Variants in USP25 observed in about 807,000 individuals in gnomAD.
USP25 encodes ubiquitin specific peptidase 25.
A neutral mutation model predicts 158.5 loss-of-function variants in USP25; 85 were observed. The observed-to-expected ratio is 0.54, with a 90% CI of 0.45 to 0.64. The LOEUF (loss-of-function observed/expected upper bound fraction) is 0.64. Ranked by LOEUF, USP25 falls within the 30% of genes least tolerant of loss-of-function variation. The pLI, the probability that USP25 is intolerant of heterozygous loss-of-function variation, is 0.00. For missense variants in USP25, 1,242 were observed against 1,327.3 expected, an observed-to-expected ratio of 0.94 and a Z score of 1.00; for synonymous variants, 464 against 460.4, an observed-to-expected ratio of 1.01 and a Z score of -0.10.
chr21:15,868,034 C>G (rs2039731585), intron 22 of USP25, among the ~76,000 whole-genome samples: 1 of 152,150 alleles, frequency 6.6e-6, no homozygotes, highest in South Asian at 2.1e-4. Flanking sequence ...TGCAAAGATC[C>G]CAGTCCACCT....
At chr21:15,803,202 C>G (rs981107770) in intron 6 of USP25, among the ~76,000 whole-genome samples, 2 of 151,596 alleles carry the variant, frequency 1.3e-5, no homozygotes, top group East Asian at 3.9e-4. Context: ...ATAACAATTC[C>G]CTATAAATTT....
intron 4 of USP25, among the ~76,000 whole-genome samples, chr21:15,788,935 G>A (rs577298344): frequency 4.9e-4 from 75 of 152,164 alleles, no homozygotes; most frequent in African/African-American, 1.7e-3. Flanking sequence ...TACACTTTGT[G>A]CCTCATTTGA....
intron 1 of USP25, among the ~76,000 whole-genome samples, chr21:15,752,830 A>G (rs554908227): frequency 2.0e-5 from 3 of 152,354 alleles, no homozygotes; most frequent in Admixed American, 1.3e-4. Flanking sequence ...ATAGAGGTAT[A>G]TGAGTAATTT....
At chr21:15,827,765 C>CCT (rs1555849273) in intron 14 of USP25, among the ~76,000 whole-genome samples, 6 of 136,810 alleles carry the variant, frequency 4.4e-5, no homozygotes, top group Admixed American at 1.5e-4. Flanking sequence ...TGTGCGTGTG[C>CCT]GTGTGTGTGT....
intron 17 of USP25, among the ~76,000 whole-genome samples, chr21:15,837,930 T>C (rs941424734): frequency 1.3e-5 from 2 of 151,958 alleles, no homozygotes; most frequent in Middle Eastern, 3.4e-3. Context: ...AAGCAGGAAC[T>C]AGGTGATATT....
chr21:15,873,612 G>A (rs1013907926), intron 23 of USP25, among the ~76,000 whole-genome samples: 2 of 151,682 alleles, frequency 1.3e-5, no homozygotes, highest in African/African-American at 4.8e-5. Context: ...TGCTACCTCA[G>A]CCTGCCGAGT....
intron 17 of USP25, among the ~76,000 whole-genome samples, chr21:15,840,710 A>T (rs1244749022): frequency 1.3e-5 from 2 of 152,202 alleles, no homozygotes; most frequent in Non-Finnish European, 2.9e-5. Context: ...ACATGTGTTG[A>T]TCAGATAACA....
chr21:15,744,844 T>A (rs2032393930), intron 1 of USP25: 1 of 152,380 alleles, frequency 6.6e-6, no homozygotes, highest in African/African-American at 2.4e-5. Context: ...TGCCTCAGCC[T>A]CCCAAAGTGC....
At chr21:15,742,322 G>A (rs2032140601) in intron 1 of USP25, among the ~76,000 whole-genome samples, 2 of 152,156 alleles carry the variant, frequency 1.3e-5, no homozygotes, top group Admixed American at 1.3e-4. Flanking sequence ...ATGTGCTGGG[G>A]AGGGGTGTGC....
At position 15,730,337 on chromosome 21, in the gene USP25, C is replaced by A; in HGVS notation, c.-57C>A. The A allele has an allele frequency of 9.1e-7, 1 of 1,099,376 alleles. No individual in the cohort carries two copies. The highest frequency in any genetic ancestry group is 1.1e-6 in the Non-Finnish European group (1 of 904,696). The allele number at this position is 1,099,376 out of a possible 1,614,324, so 68.1% of individuals were successfully genotyped here. ...GGCGGAGCGCGGCAGCCAGGGCCGG[C>A]GGAGGCGCGAGGAGCCGGGCGCCAC... On this transcript the variant is annotated 5_prime_UTR_variant, in exon 1 of 26. Transcript: ENST00000400183.
chr21:15,744,976 TC>T (rs2032409949), intron 1 of USP25: 1 of 152,148 alleles, frequency 6.6e-6, no homozygotes, highest in Non-Finnish European at 1.5e-5. Flanking sequence ...CGGTTTGCTG[TC>T]TAAAGCAAGA....
intron 17 of USP25, among the ~76,000 whole-genome samples, chr21:15,834,436 CTT>C (rs778353072): frequency 9.3e-4 from 137 of 147,166 alleles, no homozygotes; most frequent in Non-Finnish European, 1.5e-3. Flanking sequence ...TATTGAATAA[CTT>C]TTTTTTTTTG....
At chr21:15,773,297 G>A (rs576355829) in intron 3 of USP25, 9 of 152,418 alleles carry the variant, frequency 5.9e-5, no homozygotes, top group African/African-American at 1.9e-4. Context: ...CAAGATATGC[G>A]AGGATGCAAG....
chr21:15,784,264 T>C (rs1482782273), intron 4 of USP25, among the ~76,000 whole-genome samples: 2 of 152,130 alleles, frequency 1.3e-5, no homozygotes, highest in Non-Finnish European at 2.9e-5. Flanking sequence ...AATTAGTGGC[T>C]AAGGAACACA....
chr21:15,783,194 C>T (rs1329755974), intron 4 of USP25, among the ~76,000 whole-genome samples: 1 of 149,804 alleles, frequency 6.7e-6, no homozygotes, highest in African/African-American at 2.5e-5. Flanking sequence ...TTTGAAATAA[C>T]CCATTCAGAA....
At chr21:15,744,701 G>T (rs1218056276) in intron 1 of USP25, among the ~76,000 whole-genome samples, 2 of 151,986 alleles carry the variant, frequency 1.3e-5, no homozygotes, top group Non-Finnish European at 2.9e-5. Context: ...CGATTCTCCT[G>T]CCCCAACCTC....
intron 5 of USP25, among the ~76,000 whole-genome samples, chr21:15,794,838 T>C (rs1042268266): frequency 6.6e-6 from 1 of 151,484 alleles, no homozygotes; most frequent in African/African-American, 2.4e-5. Context: ...GTCTGGCACA[T>C]TGGAATAGCC....
intron 4 of USP25, among the ~76,000 whole-genome samples, chr21:15,782,687 C>T (rs181019882): frequency 2.6e-5 from 4 of 152,258 alleles, no homozygotes; most frequent in East Asian, 1.9e-4. Flanking sequence ...ATACTGAGTC[C>T]ACCCTGAACC....
At chr21:15,740,167 C>G (rs752825630) in intron 1 of USP25, among the ~76,000 whole-genome samples, 1 of 152,166 alleles carries the variant, frequency 6.6e-6, no homozygotes, top group Non-Finnish European at 1.5e-5. Context: ...CTGTGCCTCA[C>G]CCTAGACGTA....
Sources: gnomAD v4.1 joint callset for allele counts (sites outside exome capture counted in the v4.1 genomes callset) on GRCh38, gnomAD v4.1.1 for gene constraint, MANE v1.5 for transcripts, NCBI Gene and HGNC (gene_info 2026-07-23, HGNC 2026-07-21) for gene names.